Variants in GALK2 observed in about 807,000 individuals in gnomAD.
The protein encoded by GALK2 is galactokinase 2, also known as N-acetylgalactosamine kinase.
A neutral mutation model predicts 52.4 loss-of-function variants in GALK2; 36 were observed. That is an observed-to-expected ratio of 0.69 (90% CI 0.53 to 0.91). The LOEUF is 0.91. GALK2 is among the 40% of genes least tolerant of loss of function. The pLI is 0.00. For synonymous variants in GALK2, 176 were observed against 199.1 expected, an observed-to-expected ratio of 0.88 and a Z score of 0.98; for missense variants, 579 against 559.1, an observed-to-expected ratio of 1.04 and a Z score of -0.36.
chr15:49,259,374 G>T (rs1364630243), intron 5 of GALK2, among the ~76,000 whole-genome samples: 3 of 119,722 alleles, frequency 2.5e-5, no homozygotes, highest in Non-Finnish European at 4.8e-5. Context: ...AGAGTGTGAT[G>T]TTCCCCTTCC....
At chr15:49,319,556 G>C (rs893644211) in intron 8 of GALK2, 48 bp from the exon 9 acceptor site, 1 of 1,505,416 alleles carries the variant, frequency 6.6e-7, no homozygotes, top group African/African-American at 1.4e-5. Context: ...ATACTGGGTT[G>C]TCCAGTAACT....
intron 1 of GALK2, among the ~76,000 whole-genome samples, chr15:49,163,906 A>G (rs1262792548): frequency 1.3e-5 from 2 of 152,200 alleles, no homozygotes; most frequent in Non-Finnish European, 2.9e-5. Flanking sequence ...ATGATTTGGC[A>G]TCCTTTCAGA....
intron 2 of GALK2, among the ~76,000 whole-genome samples, chr15:49,213,956 AAAAT>A (rs1196775864): frequency 6.6e-6 from 1 of 151,996 alleles, no homozygotes; most frequent in Non-Finnish European, 1.5e-5. Context: ...TCTCTACTAA[AAAAT>A]AAAAAAAGAT....
In GALK2 at chr15:49,170,356, C is replaced by G. The variant is rs1005187913; in HGVS notation, c.34C>G (p.Gln12Glu). The G allele has an allele frequency of 8.8e-6, 14 of 1,592,782 alleles. No homozygotes were observed. Among genetic ancestry groups the G allele is most frequent in the East Asian group, 2.3e-5 (1 of 44,120 alleles). The change falls in exon 1 of 10, where the codon CAG (glutamine) becomes GAG (glutamate). Residue 12 changes from glutamine (Q) to glutamate (E), a missense_variant. Physicochemically the swap from Gln to Glu is conservative, Grantham distance 29. Coordinates refer to ENST00000560031, the MANE Select transcript of GALK2 (RefSeq NM_002044.4). ...AGAGAGCCCTGCTACGCGTCGGGTCCAGGTGGCAGAACATCCTAGGTGGGG... is the reference window on the plus strand; with the variant it reads ...AGAGAGCCCTGCTACGCGTCGGGTCGAGGTGGCAGAACATCCTAGGTGGGG... The part of the protein sequence containing the change: ...ATESPATRRV[Q>E]VAEHPRLLKL...
chr15:49,187,291 G>C (rs1251983044), intron 1 of GALK2, among the ~76,000 whole-genome samples: 1 of 152,156 alleles, frequency 6.6e-6, no homozygotes, highest in African/African-American at 2.4e-5. Flanking sequence ...CCCCCAAAGA[G>C]AATTTCTTTC....
At chr15:49,236,670 A>G (rs1005519367) in intron 4 of GALK2, among the ~76,000 whole-genome samples, 1 of 152,234 alleles carries the variant, frequency 6.6e-6, no homozygotes, top group Non-Finnish European at 1.5e-5. Context: ...TATTGCAATA[A>G]TTATTTTAGA....
At chr15:49,174,328 C>T (rs2085299423) in intron 1 of GALK2, among the ~76,000 whole-genome samples, 2 of 151,942 alleles carry the variant, frequency 1.3e-5, no homozygotes, top group South Asian at 4.2e-4. Flanking sequence ...ATTGGATTGC[C>T]TATTTCTTGC....
At chr15:49,299,433 T>C (rs2034771190) in intron 8 of GALK2, among the ~76,000 whole-genome samples, 1 of 152,010 alleles carries the variant, frequency 6.6e-6, no homozygotes, top group South Asian at 2.1e-4. Flanking sequence ...GCTAGCTTTG[T>C]GGTTGGTTTG....
intron 6 of GALK2, among the ~76,000 whole-genome samples, chr15:49,282,811 G>C (rs906391324): frequency 2.6e-5 from 4 of 152,096 alleles, no homozygotes; most frequent in Non-Finnish European, 4.4e-5. Context: ...ATTTGTTATT[G>C]ATTCCCCTAA....
At chr15:49,228,171 A>G (rs2090245892) in intron 3 of GALK2, among the ~76,000 whole-genome samples, 1 of 151,952 alleles carries the variant, frequency 6.6e-6, no homozygotes, top group African/African-American at 2.4e-5. Flanking sequence ...TTGACTTTTG[A>G]CCACTTTGCT....
At chr15:49,354,398 G>A (rs560248380) in intron 3 of GALK2, among the ~76,000 whole-genome samples, 17 of 152,316 alleles carry the variant, frequency 1.1e-4, no homozygotes, top group African/African-American at 2.2e-4. Flanking sequence ...CGCACCGTGC[G>A]TGAGCCGAAG....
rs74916924 is a variant in GALK2, at chr15:49,257,845, T to A, written c.504+18478T>A. Among the ~76,000 whole-genome samples, 538 of 151,576 alleles carry A rather than the reference T, an allele frequency of 3.5e-3. 14 individuals carry two copies. In the East Asian group the frequency reaches 0.075, roughly 21 times the overall value. ...AGAAATGATTATATGTTCCTTAAAA[T>A]TTTTTTAACTGTAAAAGCAATATAT... On this transcript the variant is annotated intron_variant, in intron 5 of 9. Transcript: ENST00000560031.
At chr15:49,164,626 C>G (rs2084758985) in intron 1 of GALK2, among the ~76,000 whole-genome samples, 1 of 151,526 alleles carries the variant, frequency 6.6e-6, no homozygotes, top group Non-Finnish European at 1.5e-5. Context: ...ACTAATCATA[C>G]AAAAATTAGC....
At chr15:49,257,616 A>G (rs2091867769) in intron 5 of GALK2, among the ~76,000 whole-genome samples, 1 of 152,154 alleles carries the variant, frequency 6.6e-6, no homozygotes, top group African/African-American at 2.4e-5. Context: ...TTTTCTAATT[A>G]AAGTGTTGTA....
At chr15:49,210,434 T>C (rs2088743382) in intron 2 of GALK2, among the ~76,000 whole-genome samples, 1 of 151,550 alleles carries the variant, frequency 6.6e-6, no homozygotes, top group South Asian at 2.1e-4. Context: ...TATTTTATTT[T>C]ATTTTATTAT....
intron 1 of GALK2, among the ~76,000 whole-genome samples, chr15:49,198,273 A>T (rs145760888): frequency 6.6e-6 from 1 of 152,268 alleles, no homozygotes; most frequent in African/African-American, 2.4e-5. Flanking sequence ...CTGGGCCTGT[A>T]ATCCCAGCTT....
intron 5 of GALK2, among the ~76,000 whole-genome samples, chr15:49,265,152 T>C (rs2092309772): frequency 1.3e-5 from 2 of 152,178 alleles, no homozygotes; most frequent in Admixed American, 6.5e-5. Context: ...TGCTGTCTTT[T>C]TGTCTGTGCC....
At chr15:49,184,214 A>G (rs1040232874) in intron 1 of GALK2, among the ~76,000 whole-genome samples, 4 of 152,070 alleles carry the variant, frequency 2.6e-5, no homozygotes, top group African/African-American at 9.7e-5. Flanking sequence ...TTTTATCATT[A>G]TATAATGACC....
chr15:49,299,768 TTTCTTTC>T (rs2034910750), intron 8 of GALK2, among the ~76,000 whole-genome samples: 2 of 130,102 alleles, frequency 1.5e-5, no homozygotes, highest in Non-Finnish European at 1.7e-5. Flanking sequence ...TCTTTCTTTC[TTTCTTTC>T]TTTCTTTCTT....
Sources: gnomAD v4.1 joint callset for allele counts (sites outside exome capture counted in the v4.1 genomes callset) on GRCh38, gnomAD v4.1.1 for gene constraint, MANE v1.5 for transcripts, NCBI Gene and HGNC (gene_info 2026-07-23, HGNC 2026-07-21) for gene names.